ZSCAN5B: variants seen among roughly 807,000 people sequenced by gnomAD.
The protein encoded by ZSCAN5B is zinc finger and SCAN domain containing 5B.
In ZSCAN5B, 26 loss-of-function variants were observed where a neutral mutation model predicts 25.2. The observed-to-expected ratio is 1.03, with a 90% CI of 0.76 to 1.43. The LOEUF is 1.43. ZSCAN5B is among the 40% of genes most tolerant of loss of function. The pLI, the probability that ZSCAN5B is intolerant of heterozygous loss-of-function variation, is 0.00. For missense variants in ZSCAN5B, 745 were observed against 622.1 expected, an observed-to-expected ratio of 1.20 and a Z score of -2.10; for synonymous variants, 244 against 240.9, an observed-to-expected ratio of 1.01 and a Z score of -0.12.
intron 1 of ZSCAN5B, among the ~76,000 whole-genome samples, chr19:56,197,488 G>C (rs542991139): frequency 1.3e-5 from 2 of 152,000 alleles, no homozygotes; most frequent in African/African-American, 2.4e-5. Context: ...TGCCCACCTC[G>C]GCCTCCAGAG....
rs201511148 is a variant in ZSCAN5B at position 56,189,886 on chromosome 19, G to A, written c.1429C>T (p.Arg477Cys). 26 of 1,613,948 alleles carry A rather than the reference G, an allele frequency of 1.6e-5. No homozygotes were observed. Among genetic ancestry groups the A allele is most frequent in the East Asian group, 1.1e-4 (5 of 44,878 alleles). ...TGACGCTTGAATGTCCCCAGCTGAC[G>A]GAAGGCCTTTTGACAGGTGGGACAT... Residue 477 changes from arginine (R) to cysteine (C), a missense_variant, in exon 5 of 5, where the codon CGT becomes TGT. Physicochemically the swap from Arg to Cys is radical, Grantham distance 180. Transcript: ENST00000586855.
intron 3 of ZSCAN5B, among the ~76,000 whole-genome samples, chr19:56,191,304 TG>T (rs1459859343): frequency 1.3e-5 from 2 of 152,184 alleles, no homozygotes; most frequent in Non-Finnish European, 2.9e-5. Context: ...CCATTGGCAT[TG>T]GGGCTGCATC....
In ZSCAN5B at chr19:56,190,732, T is replaced by G. The variant is rs866520908; in HGVS notation, c.739+105A>C. The stretch of plus-strand genomic sequence containing the variant: ...GGTCTCTGGAAAGTGGAGGAGAGAT[T>G]TTGGCAGCTGATCGCCAGCCCCAGG... On this transcript the variant is annotated intron_variant, in intron 4 of 4. Coordinates refer to ENST00000586855, the Ensembl canonical transcript of ZSCAN5B. 128 of 1,543,160 alleles carry G rather than the reference T, an allele frequency of 8.3e-5. No individual in the cohort carries two copies. The African/African-American group carries it at 1.2e-3, about 15-fold the overall frequency.
At chr19:56,196,352 A>C (rs890570815) in intron 1 of ZSCAN5B, among the ~76,000 whole-genome samples, 2 of 152,150 alleles carry the variant, frequency 1.3e-5, no homozygotes, top group African/African-American at 4.8e-5. Context: ...GCACCTGGCC[A>C]TTAAAACTTT....
At chr19:56,190,636 C>T (rs1599936358) in intron 4 of ZSCAN5B, 61 bp from the exon 5 acceptor site, 6 of 1,581,142 alleles carry the variant, frequency 3.8e-6, no homozygotes, top group Non-Finnish European at 5.1e-6. Flanking sequence ...ATACACCAAA[C>T]TCATTGCAAC....
rs1182562053 is a variant in ZSCAN5B at position 56,192,782 on chromosome 19, G to A, written c.271C>T (p.Gln91Ter). The change falls in exon 2 of 5, where the codon CAG becomes TAG. Residue 91 changes from glutamine to a stop codon, truncating the protein, a stop_gained. Transcript: ENST00000586855. LOFTEE classifies it high-confidence loss of function. ...TCCTGGGGCATGGAGATCATGAACT[G>A]CTCCATCACCAGCATGTCCAGGATC... The A allele has an allele frequency of 2.5e-6, 4 of 1,611,226 alleles. No individual in the cohort carries two copies. Among genetic ancestry groups the A allele is most frequent in the South Asian group, 1.1e-5 (1 of 91,020 alleles).
At position 56,190,420 on chromosome 19, in the gene ZSCAN5B, T is replaced by C. The variant is rs376632539; in HGVS notation, c.895A>G (p.Ser299Gly). The change falls in exon 5 of 5, where the codon AGC becomes GGC. Residue 299 changes from serine (S) to glycine (G), a missense_variant. Physicochemically the swap from Ser to Gly is moderately conservative, Grantham distance 56 (BLOSUM62 0). Transcript: ENST00000586855. ...GAAATGGAGGAGGCATCTGGTTTGC[T>C]TCTTTTGGGACTGCTCAGATTCAGA... 6.8e-5 allele frequency: 109 copies of C among 1,614,006 alleles called. No homozygotes were observed. Among genetic ancestry groups the C allele is most frequent in the Non-Finnish European group, 9.0e-5 (106 of 1,180,034 alleles).
Position 56,190,618 on chromosome 19 carries a change from G to C in ZSCAN5B, c.740-43C>G, listed in dbSNP as rs181601692. The C allele has an allele frequency of 6.3e-6, 10 of 1,591,310 alleles. No homozygotes were observed. In the Admixed American group the frequency reaches 1.1e-4, roughly 17 times the overall value. ...TCCACACACAACAGTTAACAAAGCC[G>C]ATTTTCAATACACCAAACTCATTGC... On this transcript the variant is annotated intron_variant, in intron 4 of 4. Transcript: ENST00000586855.
chr19:56,197,729 C>G lies in ZSCAN5B; in HGVS notation c.-128+5G>C. On this transcript the variant is annotated splice_donor_5th_base_variant and intron_variant, in intron 1 of 4. Coordinates refer to ENST00000586855, the Ensembl canonical transcript of ZSCAN5B. ...ACCCCACAGCCATCGCCGCTGGACA[C>G]TCACCTCCTTCCCGGCTTCTGCCTC... 1 of 985,366 alleles carries G rather than the reference C, an allele frequency of 1.0e-6. No individual in the cohort carries two copies. Among genetic ancestry groups the G allele is most frequent in the Non-Finnish European group, 1.2e-6 (1 of 829,896 alleles). 61.0% of individuals were successfully genotyped at this position (985,366 alleles called of 1,614,324 possible). A position where few individuals can be genotyped will look rare whatever the true frequency, so the allele number is the denominator to read the frequency against.
chr19:56,194,880 G>A (rs2032788464), intron 1 of ZSCAN5B, among the ~76,000 whole-genome samples: 1 of 152,184 alleles, frequency 6.6e-6, no homozygotes, highest in Non-Finnish European at 1.5e-5. Context: ...TAGGATTATA[G>A]GCGTGAGCCA....
intron 1 of ZSCAN5B, among the ~76,000 whole-genome samples, 156 bp downstream of exon 1, chr19:56,197,578 G>T (rs928535964): frequency 6.6e-6 from 1 of 151,940 alleles, no homozygotes; most frequent in African/African-American, 2.4e-5. Flanking sequence ...GCACTTCATC[G>T]CCAGTCAGAG....
At chr19:56,189,991 T>C in exon 5 of ZSCAN5B, 1 of 1,613,964 alleles carries the variant, frequency 6.2e-7, no homozygotes, top group Non-Finnish European at 8.5e-7. Context: ...CTGCAGTATT[T>C]ACATTTAAAC....
Position 56,192,381 on chromosome 19 carries a change from C to T in ZSCAN5B, c.384+288G>A, listed in dbSNP as rs141579956. Among the ~76,000 whole-genome samples the T allele has an allele frequency of 4.2e-3, 638 of 152,244 alleles. 2 individuals carry two copies. Among genetic ancestry groups the T allele is most frequent in the African/African-American group, 0.015 (621 of 41,528 alleles). ...TCATTTGGGGACCTGGAGGCAGATC[C>T]CTGCATCTGATACCAACCACTTTCC... On this transcript the variant is annotated intron_variant, in intron 2 of 4. Coordinates refer to ENST00000586855, the Ensembl canonical transcript of ZSCAN5B.
At chr19:56,191,090 C>T in intron 3 of ZSCAN5B, 103 bp from the exon 4 acceptor site, 1 of 1,465,786 alleles carries the variant, frequency 6.8e-7, no homozygotes, top group South Asian at 1.2e-5. Flanking sequence ...TCCCATGGAC[C>T]ACCCCATCAC....
chr19:56,194,116 C>T (rs1807129730), intron 1 of ZSCAN5B, among the ~76,000 whole-genome samples: 1 of 152,090 alleles, frequency 6.6e-6, no homozygotes, highest in Admixed American at 6.6e-5. Context: ...ACTGCATCAC[C>T]CCAAAAGAGA....
At chr19:56,190,050 T>A (rs748509099) in exon 5 of ZSCAN5B, 2 of 1,613,982 alleles carry the variant, frequency 1.2e-6, no homozygotes, top group South Asian at 1.1e-5. Flanking sequence ...GGTGGACTCG[T>A]GGGCGAACCG....
At chr19:56,197,627 A>T in intron 1 of ZSCAN5B, 107 bp downstream of exon 1, 1 of 588,954 alleles carries the variant, frequency 1.7e-6, no homozygotes, top group Non-Finnish European at 2.1e-6. Context: ...TGCCTTCACA[A>T]AGTCTCCGAG....
Position 56,189,853 on chromosome 19 carries a change from T to C in ZSCAN5B, c.1462A>G (p.Thr488Ala), listed in dbSNP as rs1242512786. ...CACTGGGAGGTGGTTTCCCGGTGTG[T>C]TTTCAGGTGACGCTTGAATGTCCCC... The change falls in exon 5 of 5, where the codon ACA becomes GCA. Residue 488 changes from threonine to alanine, a missense_variant. Physicochemically the swap from Thr to Ala is moderately conservative, Grantham distance 58. Coordinates refer to ENST00000586855, the Ensembl canonical transcript of ZSCAN5B. The C allele has an allele frequency of 3.1e-6, 5 of 1,612,098 alleles. No individual in the cohort carries two copies. The Admixed American group carries it at 5.0e-5, about 16-fold the overall frequency.
chr19:56,190,776 C>T (rs969378488), intron 4 of ZSCAN5B, 61 bp downstream of exon 4: 12 of 1,569,282 alleles, frequency 7.6e-6, no homozygotes, highest in Non-Finnish European at 8.6e-6. Flanking sequence ...ATGCTGGGCC[C>T]CCAGCCCCGC....
Sources: gnomAD v4.1 joint callset for allele counts (sites outside exome capture counted in the v4.1 genomes callset) on GRCh38, gnomAD v4.1.1 for gene constraint, MANE v1.5 for transcripts, NCBI Gene and HGNC (gene_info 2026-07-23, HGNC 2026-07-21) for gene names.